The following MTUS2 variants were observed in gnomAD, a reference collection of about 807,000 sequenced individuals.
MTUS2 encodes microtubule-associated tumor suppressor candidate 2.
MTUS2 carries 40 observed loss-of-function variants against 114.1 expected under a neutral mutation model. That is an observed-to-expected ratio of 0.35 (90% CI 0.27 to 0.46). The LOEUF (loss-of-function observed/expected upper bound fraction) is 0.46, where lower values mean the gene tolerates loss of function less well. Ranked by LOEUF, MTUS2 falls within the 20% of genes least tolerant of loss-of-function variation. The probability of loss-of-function intolerance (pLI) is 1.00; values close to 1 mark genes in which losing one functional copy is unlikely to be tolerated. For missense variants in MTUS2, 1,679 were observed against 1,705.4 expected (o/e 0.98, Z 0.27); for synonymous variants, 688 against 672.0 (o/e 1.02, Z -0.37).
intron 8 of MTUS2, among the ~76,000 whole-genome samples, chr13:29,418,698 G>C (rs1040329900): frequency 1.3e-5 from 2 of 152,188 alleles, no homozygotes. Flanking sequence ...CAGTTACTGT[G>C]AGATCTGACT....
At chr13:28,840,836 C>T (rs958622010) in intron 2 of MTUS2, among the ~76,000 whole-genome samples, 1 of 152,194 alleles carries the variant, frequency 6.6e-6, no homozygotes, top group Non-Finnish European at 1.5e-5. Flanking sequence ...TCAAAAGAAA[C>T]TTACCAGAAG....
intron 7 of MTUS2, among the ~76,000 whole-genome samples, chr13:29,358,838 C>T (rs1009275836): frequency 6.6e-6 from 1 of 151,518 alleles, no homozygotes; most frequent in South Asian, 2.1e-4. Flanking sequence ...AAAGGGGCAT[C>T]GAGGTGTTAT....
chr13:29,026,869 C>T lies in MTUS2; in HGVS notation c.2171C>T (p.Pro724Leu), dbSNP rs565405066. ...TCTGGAATCAAGCCCCCGGGACATC[C>T]TTTCAGTCAAATGAGTGAAAAGTTT... is the stretch of plus-strand genomic sequence containing the variant. ...MVSGIKPPGH[P>L]FSQMSEKFLQ... The change falls in exon 3 of 16, where the codon CCT becomes CTT. Residue 724 changes from proline (P) to leucine (L), a missense_variant. By Grantham distance (98) the Pro-to-Leu change is moderately conservative. Transcript: ENST00000612955. 1 of 1,601,096 alleles carries T rather than the reference C, an allele frequency of 6.2e-7. No individual in the cohort carries two copies. Among genetic ancestry groups the T allele is most frequent in the Non-Finnish European group, 8.5e-7 (1 of 1,178,846 alleles).
intron 9 of MTUS2, among the ~76,000 whole-genome samples, chr13:29,464,753 A>C (rs1879767701): frequency 6.6e-6 from 1 of 151,820 alleles, no homozygotes; most frequent in African/African-American, 2.4e-5. Flanking sequence ...CTTAAGAAGC[A>C]CTGTCTGCTT....
intron 6 of MTUS2, among the ~76,000 whole-genome samples, chr13:29,283,122 T>C (rs938822065): frequency 1.3e-5 from 2 of 152,220 alleles, no homozygotes; most frequent in African/African-American, 2.4e-5. Context: ...CTGCTAGGAA[T>C]AGGTGTTATC....
chr13:29,092,083 G>A (rs1311266401), intron 4 of MTUS2, among the ~76,000 whole-genome samples: 1 of 152,196 alleles, frequency 6.6e-6, no homozygotes, highest in Non-Finnish European at 1.5e-5. Context: ...AGCAGCAGGA[G>A]GCAGTCAAAT....
rs556238630 is a variant in MTUS2, at chr13:28,863,085, C to T, written c.-243+23235C>T. 1.2e-4 allele frequency among the ~76,000 whole-genome samples: 18 copies of T among 152,264 alleles called. No homozygotes were observed. The South Asian group carries it at 1.5e-3, about 12-fold the overall frequency. On this transcript the variant is annotated intron_variant, in intron 2 of 15. Transcript: ENST00000612955. ...TCACATGCTGTCTCATCTTTTGTTT[C>T]GAAACATTCCAGTAATGTGCAGGAG...
At chr13:28,847,042 ATTGT>A (rs941198336) in intron 2 of MTUS2, among the ~76,000 whole-genome samples, 2 of 152,138 alleles carry the variant, frequency 1.3e-5, no homozygotes, top group Non-Finnish European at 2.9e-5. Flanking sequence ...GGCTGGGTTC[ATTGT>A]TTGTGGTTCT....
chr13:29,450,632 CAG>C (rs1195901692), intron 9 of MTUS2, among the ~76,000 whole-genome samples: 2 of 152,052 alleles, frequency 1.3e-5, no homozygotes, highest in Non-Finnish European at 2.9e-5. Flanking sequence ...AACTAAAAGA[CAG>C]AGTTTGTCAG....
intron 5 of MTUS2, among the ~76,000 whole-genome samples, chr13:29,263,500 T>C (rs1018042322): frequency 3.9e-5 from 6 of 152,028 alleles, no homozygotes; most frequent in African/African-American, 1.4e-4. Context: ...TACCTGAGAC[T>C]AAGAAACTAA....
intron 8 of MTUS2, among the ~76,000 whole-genome samples, chr13:29,414,559 T>C (rs1415893583): frequency 6.6e-6 from 1 of 151,914 alleles, no homozygotes; most frequent in South Asian, 2.1e-4. Context: ...TGTTTTTGTA[T>C]ATTATGGGAA....
intron 2 of MTUS2, among the ~76,000 whole-genome samples, chr13:28,904,423 G>T (rs1034926925): frequency 1.3e-4 from 20 of 152,126 alleles, no homozygotes; most frequent in Admixed American, 6.6e-4. Context: ...CTTGAATTAA[G>T]TTTTGTATAA....
At chr13:28,825,181 G>A (rs1020543083) in intron 1 of MTUS2, among the ~76,000 whole-genome samples, 23 of 152,164 alleles carry the variant, frequency 1.5e-4, no homozygotes, top group South Asian at 1.2e-3. Flanking sequence ...TTGGAACTGA[G>A]GACCTCTCAG....
chr13:29,241,552 T>C (rs747567447), intron 5 of MTUS2, among the ~76,000 whole-genome samples: 1 of 152,176 alleles, frequency 6.6e-6, no homozygotes, highest in Non-Finnish European at 1.5e-5. Flanking sequence ...CCAGGTGGAA[T>C]TGACATTTCA....
At chr13:28,849,019 C>G (rs1264018354) in intron 2 of MTUS2, among the ~76,000 whole-genome samples, 1 of 152,150 alleles carries the variant, frequency 6.6e-6, no homozygotes. Flanking sequence ...CTTATAACAG[C>G]CTTGTTATGA....
intron 2 of MTUS2, among the ~76,000 whole-genome samples, chr13:28,911,169 C>T (rs537803252): frequency 6.9e-6 from 1 of 144,196 alleles, no homozygotes; most frequent in South Asian, 2.2e-4. Context: ...GCCACTGCGC[C>T]CTGCTTTTTT....
intron 9 of MTUS2, among the ~76,000 whole-genome samples, chr13:29,457,019 C>T (rs1879159650): frequency 1.3e-5 from 2 of 151,784 alleles, no homozygotes; most frequent in South Asian, 2.1e-4. Flanking sequence ...GTGGCAGGCA[C>T]CTGTAGTCCC....
intron 2 of MTUS2, among the ~76,000 whole-genome samples, chr13:28,852,948 AATAC>A (rs71090209): frequency 3.6e-3 from 33 of 9,190 alleles, no homozygotes; most frequent in African/African-American, 9.0e-3. Flanking sequence ...CTCTGTCTTA[AATAC>A]ATACATACAT....
chr13:28,960,774 A>G (rs1191217366), intron 2 of MTUS2, among the ~76,000 whole-genome samples: 1 of 152,216 alleles, frequency 6.6e-6, no homozygotes, highest in Non-Finnish European at 1.5e-5. Flanking sequence ...GGCATTAGGT[A>G]GTGGTAGTTG....
Sources: allele counts gnomAD v4.1 joint callset (sites outside exome capture counted in the v4.1 genomes callset), GRCh38; gene constraint gnomAD v4.1.1; transcripts MANE v1.5; gene names NCBI Gene and HGNC (gene_info 2026-07-23, HGNC 2026-07-21).